The following ANO1 variants were observed in gnomAD, a reference collection of about 807,000 sequenced individuals.
ANO1 encodes anoctamin 1.
Under a neutral mutation model 124.0 loss-of-function variants are expected in ANO1, and 59 were observed. The ratio of observed to expected loss-of-function variants is 0.48; its 90% confidence interval spans 0.39 to 0.59. The LOEUF is 0.59. Ranked by LOEUF, ANO1 falls within the 20% of genes least tolerant of loss-of-function variation. ANO1 has a pLI of 0.00. For synonymous variants in ANO1, 529 were observed against 532.0 expected, an observed-to-expected ratio of 0.99 and a Z score of 0.08; for missense variants, 1,059 against 1,328.0, an observed-to-expected ratio of 0.80 and a Z score of 3.15.
chr11:70,041,748 G>C (rs1403147467), intron 1 of ANO1, among the ~76,000 whole-genome samples: 1 of 152,060 alleles, frequency 6.6e-6, no homozygotes, highest in Non-Finnish European at 1.5e-5. Flanking sequence ...TAATCCTGCT[G>C]TACTTCCTTC....
intron 22 of ANO1, 150 bp downstream of exon 22, chr11:70,171,189 C>A: frequency 8.6e-7 from 1 of 1,168,574 alleles, no homozygotes; most frequent in Non-Finnish European, 1.2e-6. Flanking sequence ...AGCCTGGGGG[C>A]AGGTGACACA....
chr11:70,103,212 T>G (rs2135354642), intron 3 of ANO1, 48 bp downstream of exon 3: 1 of 1,465,580 alleles, frequency 6.8e-7, no homozygotes, highest in South Asian at 1.2e-5. Context: ...AGTCTAGAGG[T>G]CACTTGGACG....
chr11:70,026,028 A>ATGG (rs1565163754), intron 1 of ANO1, among the ~76,000 whole-genome samples: 1 of 134,846 alleles, frequency 7.4e-6, no homozygotes, highest in African/African-American at 2.9e-5. Flanking sequence ...GGTGATGGTG[A>ATGG]TGATGATGGT....
At chr11:70,069,000 G>A (rs1285307901) in intron 1 of ANO1, among the ~76,000 whole-genome samples, 1 of 152,202 alleles carries the variant, frequency 6.6e-6, no homozygotes, top group Non-Finnish European at 1.5e-5. Context: ...CATCTACAAA[G>A]GCTGGGCTTC....
At chr11:69,968,281 G>T in the ANO1 span, among the ~76,000 whole-genome samples, 1 of 152,090 alleles carries the variant, frequency 6.6e-6, no homozygotes, top group African/African-American at 2.4e-5. Flanking sequence ...GTGGTGGGTG[G>T]GGAGCTGCCT....
At chr11:70,099,632 C>T (rs1042247196) in intron 2 of ANO1, among the ~76,000 whole-genome samples, 1 of 152,218 alleles carries the variant, frequency 6.6e-6, no homozygotes, top group Non-Finnish European at 1.5e-5. Context: ...ACCTCTCCAG[C>T]CTCAGTGCCC....
chr11:70,077,717 C>A (rs530125339), upstream of ANO1, among the ~76,000 whole-genome samples: 320 of 152,300 alleles, frequency 2.1e-3, no homozygotes, highest in African/African-American at 7.3e-3. Context: ...AAATGAGGAC[C>A]CGCATTCCAA....
chr11:70,086,190 C>A lies in ANO1; in HGVS notation c.109-1562C>A, dbSNP rs543999123. Among the ~76,000 whole-genome samples the A allele has an allele frequency of 2.6e-5, 4 of 152,352 alleles. No homozygotes were observed. The South Asian group carries it at 8.3e-4, about 32-fold the overall frequency. ...AGGGATGAGGCACAGCTCTGTGGAC[C>A]ATTAGCAGCTTGGAGTTGCCTGTTA... is the stretch of plus-strand genomic sequence containing the variant. On this transcript the variant is annotated intron_variant, in intron 1 of 25. Coordinates refer to ENST00000355303, the MANE Select transcript of ANO1 (RefSeq NM_018043.7).
chr11:70,064,046 C>T (rs1015774383), intron 1 of ANO1: 1 of 152,152 alleles, frequency 6.6e-6, no homozygotes, highest in East Asian at 1.9e-4. Context: ...CTGAGAGGAC[C>T]GTCTCATTGT....
the ANO1 span, among the ~76,000 whole-genome samples, chr11:69,972,062 A>T: frequency 1.0e-4 from 15 of 149,320 alleles, no homozygotes; most frequent in African/African-American, 3.5e-4. Flanking sequence ...CTCTACTAAA[A>T]AAATAAATAA....
intron 1 of ANO1, chr11:70,020,961 G>A (rs1403834206): frequency 4.6e-5 from 7 of 152,356 alleles, no homozygotes; most frequent in Non-Finnish European, 7.3e-5. Context: ...GCTACTTACC[G>A]AGAGGTGCTT....
intron 1 of ANO1, among the ~76,000 whole-genome samples, chr11:70,055,775 A>G (rs1030396551): frequency 4.0e-5 from 6 of 151,850 alleles, no homozygotes; most frequent in Admixed American, 6.6e-5. Context: ...CGGTTAATCA[A>G]TTCTTTTTTT....
intron 1 of ANO1, chr11:70,085,456 C>A: frequency 6.5e-7 from 1 of 1,535,148 alleles, no homozygotes; most frequent in Non-Finnish European, 8.7e-7. Flanking sequence ...ACCAGCACAG[C>A]GGGGCCCTGT....
chr11:70,086,239 T>TAAA (rs2044376110), intron 1 of ANO1, among the ~76,000 whole-genome samples: 1 of 152,200 alleles, frequency 6.6e-6, no homozygotes, highest in Admixed American at 6.5e-5. Context: ...ATGGCTTTTT[T>TAAA]TATTTTTTCT....
intron 15 of ANO1, 77 bp from the exon 16 acceptor site, chr11:70,156,870 C>A: frequency 7.3e-7 from 1 of 1,374,276 alleles, no homozygotes; most frequent in Non-Finnish European, 1.0e-6. Flanking sequence ...CACGCACGCA[C>A]ATGCACCCAC....
intron 1 of ANO1, among the ~76,000 whole-genome samples, chr11:69,996,779 C>T (rs1469776263): frequency 6.6e-6 from 1 of 152,218 alleles, no homozygotes; most frequent in Non-Finnish European, 1.5e-5. Context: ...GGACAATAAT[C>T]CCTGAAAACC....
At chr11:70,107,147 T>TG (rs1222416509) in intron 5 of ANO1, among the ~76,000 whole-genome samples, 1 of 151,972 alleles carries the variant, frequency 6.6e-6, no homozygotes, top group Non-Finnish European at 1.5e-5. Context: ...TGAGGGATGA[T>TG]GGGGAGGGAG....
chr11:70,062,369 G>T (rs1276169316), intron 1 of ANO1, among the ~76,000 whole-genome samples: 2 of 152,068 alleles, frequency 1.3e-5, no homozygotes, highest in South Asian at 2.1e-4. Context: ...GAGCCACCAC[G>T]CCCGGCCGAG....
upstream of ANO1, among the ~76,000 whole-genome samples, chr11:69,985,026 G>C (rs1230515855): frequency 6.6e-6 from 1 of 152,176 alleles, no homozygotes; most frequent in Non-Finnish European, 1.5e-5. Context: ...CCCGCCCTCC[G>C]TAGGGCCCAC....
Sources: gnomAD v4.1 joint callset for allele counts (sites outside exome capture counted in the v4.1 genomes callset) on GRCh38, gnomAD v4.1.1 for gene constraint, MANE v1.5 for transcripts, NCBI Gene and HGNC (gene_info 2026-07-23, HGNC 2026-07-21) for gene names.